Variants in DLG2 observed in about 807,000 individuals in gnomAD.
DLG2 encodes the protein disks large homolog 2.
Under a neutral mutation model 132.5 loss-of-function variants are expected in DLG2, and 45 were observed. The observed-to-expected ratio is 0.34, with a 90% CI of 0.27 to 0.44. The LOEUF is 0.44. DLG2 is among the 20% of genes least tolerant of loss of function. The pLI is 1.00. For synonymous variants in DLG2, 424 were observed against 419.6 expected (o/e 1.01, Z -0.13); for missense variants, 1,045 against 1,196.9 (o/e 0.87, Z 1.87).
intron 7 of DLG2, among the ~76,000 whole-genome samples, chr11:84,522,795 G>A (rs557930544): frequency 4.3e-4 from 65 of 152,174 alleles, no homozygotes; most frequent in Non-Finnish European, 6.6e-4. Context: ...GATGAAATAA[G>A]TGTTTTGCTG....
intron 18 of DLG2, among the ~76,000 whole-genome samples, chr11:83,660,893 T>A (rs779702335): frequency 2.0e-5 from 3 of 152,146 alleles, no homozygotes; most frequent in Non-Finnish European, 4.4e-5. Flanking sequence ...CTTCTTCTTC[T>A]GACTCCCCCC....
At chr11:85,192,170 G>A (rs1440592871) in intron 4 of DLG2, among the ~76,000 whole-genome samples, 3 of 152,114 alleles carry the variant, frequency 2.0e-5, no homozygotes, top group Admixed American at 2.0e-4. Context: ...CCACTTACTA[G>A]TACCATGACC....
intron 10 of DLG2, among the ~76,000 whole-genome samples, chr11:84,086,543 G>A (rs1452407778): frequency 7.0e-6 from 1 of 142,170 alleles, no homozygotes; most frequent in African/African-American, 2.6e-5. Context: ...TGACTGGAGT[G>A]TAGTAGTGCA....
At chr11:84,343,664 A>AT (rs2098526036) in intron 7 of DLG2, among the ~76,000 whole-genome samples, 1 of 152,198 alleles carries the variant, frequency 6.6e-6, no homozygotes, top group South Asian at 2.1e-4. Context: ...GGCAATAGTA[A>AT]TAATTTTGTT....
chr11:84,382,246 T>C (rs897538640), intron 7 of DLG2, among the ~76,000 whole-genome samples: 6 of 152,158 alleles, frequency 3.9e-5, no homozygotes, highest in Non-Finnish European at 7.3e-5. Context: ...CCAGTTTTTT[T>C]TTCTCAGTGT....
chr11:83,558,531 T>C (rs996221539), intron 19 of DLG2, among the ~76,000 whole-genome samples: 1 of 152,206 alleles, frequency 6.6e-6, no homozygotes, highest in African/African-American at 2.4e-5. Context: ...GCACTTTATA[T>C]ACCTTGGCAC....
At chr11:84,287,207 C>T (rs2097918381) in intron 7 of DLG2, among the ~76,000 whole-genome samples, 1 of 152,110 alleles carries the variant, frequency 6.6e-6, no homozygotes, top group Non-Finnish European at 1.5e-5. Context: ...CTGCCCATAT[C>T]CCAGATTTTA....
intron 18 of DLG2, among the ~76,000 whole-genome samples, chr11:83,672,994 G>A (rs575494204): frequency 7.2e-5 from 11 of 152,192 alleles, no homozygotes; most frequent in East Asian, 1.9e-4. Flanking sequence ...CCCGGGAGTC[G>A]GAGGTTGCAG....
intron 17 of DLG2, among the ~76,000 whole-genome samples, chr11:83,824,832 T>A (rs959440424): frequency 6.6e-6 from 1 of 152,100 alleles, no homozygotes. Context: ...TGAGTAGTGA[T>A]ATTGTGAGTC....
At chr11:85,080,107 C>A (rs1164509076) in intron 6 of DLG2, among the ~76,000 whole-genome samples, 2 of 152,196 alleles carry the variant, frequency 1.3e-5, no homozygotes, top group African/African-American at 4.8e-5. Flanking sequence ...TTGTATCCCT[C>A]AAAATTGGCC....
At chr11:85,424,962 C>A (rs1032458282) in intron 3 of DLG2, among the ~76,000 whole-genome samples, 4 of 152,062 alleles carry the variant, frequency 2.6e-5, no homozygotes, top group African/African-American at 9.7e-5. Flanking sequence ...AAAGCCTGAA[C>A]TGACTAAGAA....
At position 84,288,504 on chromosome 11, in the gene DLG2, T is replaced by C. The variant is rs151258080; in HGVS notation, c.520-37213A>G. On this transcript the variant is annotated intron_variant, in intron 7 of 27. Coordinates refer to ENST00000376104, the MANE Select transcript of DLG2 (RefSeq NM_001142699.3). ...TTATTTGTTAAAATAAGTATTTAGA[T>C]TCAGGGAGTTCAGTTAGAATTTATT... Among the ~76,000 whole-genome samples, 146 of 152,218 alleles carry C rather than the reference T, an allele frequency of 9.6e-4. 1 individual carries two copies. Among genetic ancestry groups the C allele is most frequent in the Middle Eastern group, 6.8e-3 (2 of 294 alleles).
chr11:84,651,556 C>A lies in DLG2; in HGVS notation c.358-116825G>T, dbSNP rs554686828. On this transcript the variant is annotated intron_variant, in intron 6 of 27. Transcript: ENST00000376104. Reference sequence around the variant, plus strand: ...GCAAAGGTCACTCCTCTTCTGTCTCCGGGTGAATTTCACACTGCTTGAGAT... The same window carrying A: ...GCAAAGGTCACTCCTCTTCTGTCTCAGGGTGAATTTCACACTGCTTGAGAT... 2.6e-5 allele frequency among the ~76,000 whole-genome samples: 4 copies of A among 152,214 alleles called. No individual in the cohort carries two copies. In the South Asian group the frequency reaches 8.3e-4, roughly 32 times the overall value.
intron 15 of DLG2, among the ~76,000 whole-genome samples, chr11:83,884,812 C>A (rs545826202): frequency 1.3e-5 from 2 of 152,202 alleles, no homozygotes; most frequent in Admixed American, 1.3e-4. Flanking sequence ...TCTGCAGCCA[C>A]CGCTGCTGGT....
At chr11:84,414,223 A>G (rs2098920668) in intron 7 of DLG2, among the ~76,000 whole-genome samples, 2 of 152,218 alleles carry the variant, frequency 1.3e-5, no homozygotes, top group African/African-American at 4.8e-5. Flanking sequence ...TATCTAAATT[A>G]ATTAACATAG....
chr11:84,067,763 T>A (rs1417905127), intron 10 of DLG2, among the ~76,000 whole-genome samples: 1 of 152,178 alleles, frequency 6.6e-6, no homozygotes, highest in Non-Finnish European at 1.5e-5. Flanking sequence ...ACCCTAATGA[T>A]CTGTATATTT....
Position 84,968,583 on chromosome 11 carries a change from C to T in DLG2, c.357+143078G>A, listed in dbSNP as rs189642294. On this transcript the variant is annotated intron_variant, in intron 6 of 27. Transcript: ENST00000376104. ...TTTCTGTACTTCTGTATGTTAAGAA[C>T]AATTATACTGAAATGTATGTTACTT... Among the ~76,000 whole-genome samples, 160 of 152,200 alleles carry T rather than the reference C, an allele frequency of 1.1e-3. 1 individual carries two copies. The highest frequency in any genetic ancestry group is 3.6e-3 in the African/African-American group (149 of 41,546).
chr11:85,103,067 G>A (rs930561933), intron 6 of DLG2, among the ~76,000 whole-genome samples: 2 of 151,786 alleles, frequency 1.3e-5, no homozygotes, highest in African/African-American at 2.4e-5. Context: ...AGCAAAAGAA[G>A]GGCAAAACTT....
chr11:83,875,467 T>G (rs1209517175), intron 15 of DLG2, among the ~76,000 whole-genome samples: 1 of 152,162 alleles, frequency 6.6e-6, no homozygotes, highest in Non-Finnish European at 1.5e-5. Flanking sequence ...GCATTGAGAC[T>G]GTTTGATTCT....
Sources: allele counts gnomAD v4.1 joint callset (sites outside exome capture counted in the v4.1 genomes callset), GRCh38; gene constraint gnomAD v4.1.1; transcripts MANE v1.5; gene names NCBI Gene and HGNC (gene_info 2026-07-23, HGNC 2026-07-21).